MRC2: variants seen among roughly 807,000 people sequenced by gnomAD.
MRC2 encodes the protein C-type mannose receptor 2.
A neutral mutation model predicts 206.2 loss-of-function variants in MRC2; 84 were observed. The observed-to-expected ratio is 0.41, with a 90% CI of 0.34 to 0.49. The LOEUF is 0.49. Ranked by LOEUF, MRC2 falls within the 20% of genes least tolerant of loss-of-function variation. MRC2 has a pLI of 0.31. For synonymous variants in MRC2, 798 were observed against 800.0 expected, an observed-to-expected ratio of 1.00 and a Z score of 0.04; for missense variants, 1,676 against 2,001.5, an observed-to-expected ratio of 0.84 and a Z score of 3.10.
Position 62,690,519 on chromosome 17 carries a change from T to A in MRC2, c.3893-123T>A, listed in dbSNP as rs562586546. The A allele has an allele frequency of 1.0e-5, 15 of 1,444,516 alleles. No individual in the cohort carries two copies. In the South Asian group the frequency reaches 2.1e-4, roughly 20 times the overall value. 89.5% of individuals were successfully genotyped at this position (1,444,516 alleles called of 1,614,324 possible). On this transcript the variant is annotated intron_variant, in intron 26 of 29. Transcript: ENST00000303375. Reference sequence around the variant, plus strand: ...TTGCACATGTGCACACACACACACATGAATCCACAGACTCCACACCATCCT... The same window carrying A: ...TTGCACATGTGCACACACACACACAAGAATCCACAGACTCCACACCATCCT...
intron 1 of MRC2, among the ~76,000 whole-genome samples, chr17:62,644,765 C>T (rs567420696): frequency 1.3e-5 from 2 of 152,192 alleles, no homozygotes; most frequent in African/African-American, 2.4e-5. Flanking sequence ...TCATTTGGGA[C>T]TTACGTGAGG....
Position 62,666,460 on chromosome 17 carries a change from G to T in MRC2, c.700G>T (p.Asp234Tyr). The T allele has an allele frequency of 6.2e-7, 1 of 1,613,878 alleles. No homozygotes were observed. Among genetic ancestry groups the T allele is most frequent in the South Asian group, 1.1e-5 (1 of 91,012 alleles). Residue 234 changes from aspartate to tyrosine, a missense_variant, in exon 4 of 30, where the codon GAC becomes TAC. Coordinates refer to ENST00000303375, the MANE Select transcript of MRC2 (RefSeq NM_006039.5). This position sits in a 1 kb window ranked among gnomAD's most constrained non-coding sequence, Gnocchi z 5.0. The stretch of plus-strand genomic sequence containing the variant: ...GAGGGCTGTCGTGGTGGCAGGTAAC[G>T]ACTGCGAGACCTTCTGGGACAAGGA... ...RWGFCPIKSN[D>Y]CETFWDKDQL...
chr17:62,672,322 C>T lies in MRC2; in HGVS notation c.1461+170C>T, dbSNP rs188070397. On this transcript the variant is annotated intron_variant, in intron 8 of 29. Transcript: ENST00000303375. This position sits in a 1 kb window ranked among gnomAD's most constrained non-coding sequence, Gnocchi z 4.5. The stretch of plus-strand genomic sequence containing the variant: ...CCTTCCCTTCCATGTGAGAGACTGC[C>T]GGGGCTTGAATCCTACCTCCACCTC... Among the ~76,000 whole-genome samples, 767 of 152,222 alleles carry T rather than the reference C, an allele frequency of 5.0e-3. 2 individuals carry two copies. The highest frequency in any genetic ancestry group is 7.2e-3 in the Non-Finnish European group (489 of 68,012).
intron 26 of MRC2, 48 bp from the exon 27 acceptor site, chr17:62,690,594 C>T (rs1292532198): frequency 1.0e-5 from 14 of 1,378,818 alleles, no homozygotes; most frequent in Admixed American, 3.0e-5. Flanking sequence ...GGGACTCTGC[C>T]CCCCCCGGAG....
At chr17:62,691,811 G>C (rs978309378) in intron 28 of MRC2, among the ~76,000 whole-genome samples, 10 of 149,936 alleles carry the variant, frequency 6.7e-5, no homozygotes, top group South Asian at 2.1e-4. Context: ...ACCTCCTAGA[G>C]TGCTAGTGAA....
chr17:62,631,539 A>C (rs1342450022), intron 1 of MRC2, among the ~76,000 whole-genome samples: 3 of 152,026 alleles, frequency 2.0e-5, no homozygotes, highest in Non-Finnish European at 4.4e-5. Context: ...AGCCTGGGAA[A>C]TTCTGCCTTA....
In MRC2 at chr17:62,681,793, C is replaced by A. The variant is rs756620333; in HGVS notation, c.2703-44C>A. ...ATTGCTGCATCCGGTGGAGGCCCAG[C>A]TGGGGGCCGGTGCTGGAGTTACCTC... On this transcript the variant is annotated intron_variant, in intron 18 of 29. Coordinates refer to ENST00000303375, the MANE Select transcript of MRC2 (RefSeq NM_006039.5). 79 of 1,505,262 alleles carry A rather than the reference C, an allele frequency of 5.2e-5. 2 individuals carry two copies. The Middle Eastern group carries it at 8.8e-4, about 17-fold the overall frequency. The allele number at this position is 1,505,262 out of a possible 1,614,324, so 93.2% of individuals were successfully genotyped here.
intron 1 of MRC2, among the ~76,000 whole-genome samples, chr17:62,659,533 G>A (rs1386886778): frequency 2.7e-5 from 4 of 150,256 alleles, no homozygotes; most frequent in African/African-American, 4.9e-5. Context: ...GCAACAGAGC[G>A]AGACTCTGTA....
intron 1 of MRC2, among the ~76,000 whole-genome samples, chr17:62,646,067 C>T (rs1422362873): frequency 6.7e-6 from 1 of 149,208 alleles, no homozygotes. Context: ...CTCTGTTGCC[C>T]AGGCTGGAGT....
chr17:62,646,854 G>A (rs1176769409), intron 1 of MRC2, among the ~76,000 whole-genome samples: 1 of 152,156 alleles, frequency 6.6e-6, no homozygotes, highest in Non-Finnish European at 1.5e-5. Context: ...ATTAATTGTA[G>A]CAAATACAAA....
intron 1 of MRC2, among the ~76,000 whole-genome samples, chr17:62,635,788 A>ATT (rs766181711): frequency 7.0e-5 from 10 of 143,198 alleles, no homozygotes; most frequent in African/African-American, 1.3e-4. Context: ...TGTGTCTAGA[A>ATT]TTTTTTTTTT....
At chr17:62,656,291 C>T (rs1019659239) in intron 1 of MRC2, among the ~76,000 whole-genome samples, 29 of 152,114 alleles carry the variant, frequency 1.9e-4, no homozygotes, top group African/African-American at 5.5e-4. Context: ...GTGATTCACC[C>T]GCCTCGGCCT....
At position 62,680,833 on chromosome 17, in the gene MRC2, A is replaced by C; in HGVS notation, c.2507A>C (p.Glu836Ala). Residue 836 changes from glutamate to alanine, a missense_variant, in exon 17 of 30, where the codon GAG becomes GCG. Transcript: ENST00000303375. This position sits in a 1 kb window ranked among gnomAD's most constrained non-coding sequence, Gnocchi z 4.8. ...GAATGGCTGCGCTTCCAGGAGGCCG[A>C]GTACAAGTTCTTTGAGCACCACTCC... ...RREWLRFQEA[E>A]YKFFEHHSTW... is the part of the protein sequence containing the mutation. 1.2e-6 allele frequency: 2 copies of C among 1,612,718 alleles called. No homozygotes were observed. Among genetic ancestry groups the C allele is most frequent in the South Asian group, 1.1e-5 (1 of 91,046 alleles).
chr17:62,640,637 C>T lies in MRC2; in HGVS notation c.118+12717C>T, dbSNP rs545693515. ...GAAGTGATCTTCCCCCCTCAGCCTCCGCAGTAGCTGAGAATACAAGCACAC... is the reference window on the plus strand; with the variant it reads ...GAAGTGATCTTCCCCCCTCAGCCTCTGCAGTAGCTGAGAATACAAGCACAC... On this transcript the variant is annotated intron_variant, in intron 1 of 29. Coordinates refer to ENST00000303375, the MANE Select transcript of MRC2 (RefSeq NM_006039.5). Among the ~76,000 whole-genome samples the T allele has an allele frequency of 2.0e-5, 3 of 152,150 alleles. No homozygotes were observed. The South Asian group carries it at 6.2e-4, about 32-fold the overall frequency.
intron 1 of MRC2, among the ~76,000 whole-genome samples, chr17:62,642,152 A>G (rs1268956904): frequency 7.2e-5 from 11 of 152,126 alleles, no homozygotes; most frequent in African/African-American, 2.7e-4. Context: ...TCAGAATTCA[A>G]TTAGGTGTCA....
intron 6 of MRC2, among the ~76,000 whole-genome samples, chr17:62,670,480 C>G (rs1005800205): frequency 3.9e-5 from 6 of 152,232 alleles, no homozygotes; most frequent in Non-Finnish European, 8.8e-5. Context: ...AGTCTGAGGC[C>G]GTGTTCTAGT....
At chr17:62,628,238 C>G (rs2084185895) in intron 1 of MRC2, among the ~76,000 whole-genome samples, 1 of 152,002 alleles carries the variant, frequency 6.6e-6, no homozygotes, top group Non-Finnish European at 1.5e-5. Context: ...CACCGCGCTC[C>G]CGGACCACCC....
chr17:62,690,015 C>T lies in MRC2; in HGVS notation c.3695C>T (p.Thr1232Ile). ...YVDVDGAWRT[T>I]SCDTKLQGAV... ...GATGTGGACGGGGCCTGGCGCACCA[C>T]CAGCTGTGACACCAAGCTGCAGGGG... Residue 1232 changes from threonine to isoleucine, a missense_variant, in exon 25 of 30, where the codon ACC becomes ATC. Around this residue, in one of 3 missense-constraint regions of MRC2, gnomAD observed 1,354 missense variants for 1,636.6 expected, o/e 0.83. Transcript: ENST00000303375. 6.2e-7 allele frequency: 1 copy of T among 1,610,902 alleles called. No homozygotes were observed. The highest frequency in any genetic ancestry group is 8.5e-7 in the Non-Finnish European group (1 of 1,178,840).
chr17:62,650,198 A>G (rs1250339628), intron 1 of MRC2, among the ~76,000 whole-genome samples: 1 of 152,222 alleles, frequency 6.6e-6, no homozygotes, highest in African/African-American at 2.4e-5. Flanking sequence ...CTTGGCCGTC[A>G]TTCTTAATAG....
Sources: allele counts gnomAD v4.1 joint callset (sites outside exome capture counted in the v4.1 genomes callset), GRCh38; gene constraint gnomAD v4.1.1; regional missense constraint gnomAD v4.1.1; non-coding constraint Gnocchi (gnomAD v3.1); transcripts MANE v1.5; gene names NCBI Gene and HGNC (gene_info 2026-07-23, HGNC 2026-07-21).